The following CCDC148 variants were observed in gnomAD, a reference collection of about 807,000 sequenced individuals.
CCDC148 encodes coiled-coil domain-containing protein 148.
A neutral mutation model predicts 85.7 loss-of-function variants in CCDC148; 89 were observed. The observed-to-expected ratio is 1.04, with a 90% confidence interval of 0.87 to 1.24. The LOEUF is 1.24. Among genes scored for constraint, CCDC148 ranks in the 50% most tolerant of loss-of-function variants. The probability of loss-of-function intolerance (pLI) is 0.00; values close to 1 mark genes in which losing one functional copy is unlikely to be tolerated. For missense variants in CCDC148, 692 were observed against 671.7 expected, an observed-to-expected ratio of 1.03 and a Z score of -0.33; for synonymous variants, 230 against 213.9, an observed-to-expected ratio of 1.08 and a Z score of -0.66.
intron 1 of CCDC148, among the ~76,000 whole-genome samples, chr2:158,451,708 C>G (rs949381834): frequency 1.3e-5 from 2 of 150,576 alleles, no homozygotes; most frequent in South Asian, 2.1e-4. Context: ...ATAGAGACAC[C>G]GCACTAAAAA....
intron 1 of CCDC148, 139 bp downstream of exon 1, chr2:158,456,276 G>A: frequency 3.5e-6 from 3 of 849,640 alleles, no homozygotes; most frequent in Non-Finnish European, 5.9e-6. Context: ...AGAGTTATGA[G>A]TTTGAGGACC....
At chr2:158,179,851 G>A (rs1260728604) in intron 11 of CCDC148, among the ~76,000 whole-genome samples, 1 of 152,106 alleles carries the variant, frequency 6.6e-6, no homozygotes, top group Admixed American at 6.6e-5. Context: ...ATCTGTAGAT[G>A]GCAGCAAAAA....
At chr2:158,433,914 G>A (rs138962036) in intron 1 of CCDC148, among the ~76,000 whole-genome samples, 7,145 of 152,296 alleles carry the variant, frequency 0.047, 250 homozygotes, top group Non-Finnish European at 0.063. Flanking sequence ...AGGCGGCAGC[G>A]AGGCTGGGGG....
intron 1 of CCDC148, among the ~76,000 whole-genome samples, chr2:158,400,809 T>G (rs1415159463): frequency 2.0e-5 from 3 of 152,180 alleles, no homozygotes; most frequent in Non-Finnish European, 4.4e-5. Flanking sequence ...AATCTACTCA[T>G]CTGACAAAGG....
intron 11 of CCDC148, among the ~76,000 whole-genome samples, chr2:158,217,393 T>TATAC (rs1459713401): frequency 7.4e-6 from 1 of 135,326 alleles, no homozygotes; most frequent in Non-Finnish European, 1.5e-5. Context: ...TATATATATA[T>TATAC]ACACACACAC....
At chr2:158,255,724 A>G (rs899264155) in intron 9 of CCDC148, among the ~76,000 whole-genome samples, 10 of 151,750 alleles carry the variant, frequency 6.6e-5, no homozygotes, top group Non-Finnish European at 1.3e-4. Flanking sequence ...CTTTAAAGAG[A>G]GTATGTGAAC....
chr2:158,286,709 C>T (rs947970893), intron 9 of CCDC148, among the ~76,000 whole-genome samples: 1 of 152,060 alleles, frequency 6.6e-6, no homozygotes. Context: ...GCCTATGGCA[C>T]AGACGGAACT....
At chr2:158,395,518 C>A (rs2105300783) in intron 1 of CCDC148, among the ~76,000 whole-genome samples, 1 of 152,214 alleles carries the variant, frequency 6.6e-6, no homozygotes, top group South Asian at 2.1e-4. Flanking sequence ...AAATTTCAGC[C>A]TGAGTGATAA....
intron 10 of CCDC148, among the ~76,000 whole-genome samples, chr2:158,245,784 A>G (rs1468433063): frequency 6.6e-6 from 1 of 152,178 alleles, no homozygotes; most frequent in Non-Finnish European, 1.5e-5. Context: ...GTTTCTTACA[A>G]TAGCTCCCAG....
chr2:158,360,218 C>T (rs564995877), intron 1 of CCDC148, among the ~76,000 whole-genome samples: 55 of 152,320 alleles, frequency 3.6e-4, no homozygotes, highest in African/African-American at 1.2e-3. Context: ...TGGGACAGAG[C>T]ACTTGGAGGA....
At chr2:158,399,632 A>G (rs548742891) in intron 1 of CCDC148, among the ~76,000 whole-genome samples, 1 of 152,268 alleles carries the variant, frequency 6.6e-6, no homozygotes, top group African/African-American at 2.4e-5. Flanking sequence ...GTATCTCAAA[A>G]TAAGAGCTAT....
intron 10 of CCDC148, among the ~76,000 whole-genome samples, chr2:158,244,820 T>C (rs7560006): frequency 0.058 from 8,865 of 152,182 alleles, 821 homozygotes; most frequent in African/African-American, 0.2. Flanking sequence ...GGGGATCCTA[T>C]AGCCCACCTT....
At chr2:158,391,211 C>T (rs926762899) in intron 1 of CCDC148, among the ~76,000 whole-genome samples, 2 of 152,022 alleles carry the variant, frequency 1.3e-5, no homozygotes, top group African/African-American at 2.4e-5. Context: ...AGGGCAAGCT[C>T]CATTTACTAT....
chr2:158,176,707 A>G (rs1158195387), intron 12 of CCDC148, 46 bp from the exon 13 acceptor site: 1 of 1,603,108 alleles, frequency 6.2e-7, no homozygotes, highest in African/African-American at 1.3e-5. Flanking sequence ...TACAAACTAA[A>G]TATTTCTGGG....
chr2:158,392,084 C>T (rs1484377279), intron 1 of CCDC148, among the ~76,000 whole-genome samples: 4 of 152,088 alleles, frequency 2.6e-5, no homozygotes, highest in African/African-American at 7.2e-5. Context: ...GACATAAATC[C>T]ACTTCCTGCA....
In CCDC148 at chr2:158,443,466, TGCACTCCAGCCTGGGCGACAGA is replaced by T. The variant is rs1365497183; in HGVS notation, c.25+12927_25+12948del. Among the ~76,000 whole-genome samples, 4 of 124,822 alleles carry T rather than the reference TGCACTCCAGCCTGGGCGACAGA, an allele frequency of 3.2e-5. No homozygotes were observed. In the East Asian group the frequency reaches 1.0e-3, roughly 31 times the overall value. The allele number at this position is 124,822 out of a possible 152,430, so 81.9% of individuals were successfully genotyped here. A position where few individuals can be genotyped will look rare whatever the true frequency, so the allele number is the denominator to read the frequency against. On this transcript the variant is annotated intron_variant, in intron 1 of 13. Coordinates refer to ENST00000283233, the MANE Select transcript of CCDC148 (RefSeq NM_138803.4). ...CTGCGGTCAGCCATGATGGTGCCAC[TGCACTCCAGCCTGGGCGACAGA>T]GCAAGTCTATCTCAAAAAAAAAAAA...
At chr2:158,229,127 T>G (rs1687721757) in intron 10 of CCDC148, among the ~76,000 whole-genome samples, 1 of 152,090 alleles carries the variant, frequency 6.6e-6, no homozygotes, top group African/African-American at 2.4e-5. Flanking sequence ...TTCTCATAAT[T>G]CTATGACTTC....
At chr2:158,345,194 A>T in intron 3 of CCDC148, 21 bp downstream of exon 3, 1 of 1,558,888 alleles carries the variant, frequency 6.4e-7, no homozygotes, top group Non-Finnish European at 8.8e-7. Context: ...ACGTGTTCTT[A>T]CTATGTCCCC....
At chr2:158,249,295 G>A (rs898076613) in intron 10 of CCDC148, among the ~76,000 whole-genome samples, 4 of 152,056 alleles carry the variant, frequency 2.6e-5, no homozygotes, top group South Asian at 2.1e-4. Context: ...GAAATGCTTC[G>A]AGGGCCCAAG....
Sources: allele counts gnomAD v4.1 joint callset (sites outside exome capture counted in the v4.1 genomes callset), GRCh38; gene constraint gnomAD v4.1.1; transcripts MANE v1.5; gene names NCBI Gene and HGNC (gene_info 2026-07-23, HGNC 2026-07-21).